ITGA6: variants seen among roughly 807,000 people sequenced by gnomAD.
ITGA6 encodes the protein integrin alpha-6.
ITGA6 carries 63 observed loss-of-function variants against 133.6 expected under a neutral mutation model. That is an observed-to-expected ratio of 0.47 (90% CI 0.38 to 0.58). The LOEUF is 0.58. Among genes scored for constraint, ITGA6 ranks in the 20% least tolerant of loss-of-function variants. The pLI is 0.00. For missense variants in ITGA6, 1,068 were observed against 1,309.4 expected (o/e 0.82, Z 2.85); for synonymous variants, 434 against 482.0 (o/e 0.90, Z 1.30).
Position 172,487,017 on chromosome 2 carries a change from C to T in ITGA6, c.1855-6C>T, listed in dbSNP as rs1574399519. On this transcript the variant is annotated splice_polypyrimidine_tract_variant and splice_region_variant and intron_variant, in intron 13 of 25. Coordinates refer to ENST00000684293, the MANE Select transcript of ITGA6 (RefSeq NM_000210.4). ...TAAATTGACAATAGTTTTCGTTTTC[C>T]TACAGGTTCACTTCTTAAAAGAGGG... 9 of 1,542,820 alleles carry T rather than the reference C, an allele frequency of 5.8e-6. No individual in the cohort carries two copies. Among genetic ancestry groups the T allele is most frequent in the Non-Finnish European group, 8.1e-6 (9 of 1,115,216 alleles).
intron 1 of ITGA6, among the ~76,000 whole-genome samples, chr2:172,456,719 G>A (rs1323883484): frequency 6.6e-6 from 1 of 152,218 alleles, no homozygotes; most frequent in Non-Finnish European, 1.5e-5. Flanking sequence ...ATATGTCTGT[G>A]CCCATAGCAT....
rs568151651 is a variant in ITGA6 at position 172,446,419 on chromosome 2, G to C, written c.182+18449G>C. On this transcript the variant is annotated intron_variant, in intron 1 of 25. Coordinates refer to ENST00000684293, the MANE Select transcript of ITGA6 (RefSeq NM_000210.4). Reference sequence around the variant, plus strand: ...ATTTATGCTTGGTACACTTGAAATAGAAAAACCTGCTTGGTCACAACATGC... The same window carrying C: ...ATTTATGCTTGGTACACTTGAAATACAAAAACCTGCTTGGTCACAACATGC... 1.1e-4 allele frequency among the ~76,000 whole-genome samples: 16 copies of C among 152,264 alleles called. No homozygotes were observed. The East Asian group carries it at 2.7e-3, about 26-fold the overall frequency.
chr2:172,480,540 CAGGCCCCT>C (rs1290697948), intron 11 of ITGA6, among the ~76,000 whole-genome samples: 4 of 152,128 alleles, frequency 2.6e-5, no homozygotes, highest in African/African-American at 9.7e-5. Context: ...TTCCCAAGAG[CAGGCCCCT>C]AGGGAATTTG....
intron 1 of ITGA6, among the ~76,000 whole-genome samples, chr2:172,457,039 A>G (rs1298780168): frequency 6.6e-6 from 1 of 152,188 alleles, no homozygotes; most frequent in Non-Finnish European, 1.5e-5. Flanking sequence ...CACACCTATA[A>G]TCCTAACACT....
chr2:172,487,546 G>A lies in ITGA6; in HGVS notation c.2161-1G>A, dbSNP rs148112672. On this transcript the variant is annotated splice_acceptor_variant, in intron 15 of 25. Transcript: ENST00000684293. LOFTEE classifies it high-confidence loss of function. ...TGACCTAGCGTGTGTTTCTTTTACA[G>A]GAGAAACAGTTGAGTTGTGTTGCCA... The A allele has an allele frequency of 1.2e-6, 2 of 1,613,508 alleles. No individual in the cohort carries two copies. Among genetic ancestry groups the A allele is most frequent in the Non-Finnish European group, 1.7e-6 (2 of 1,179,516 alleles).
At position 172,491,047 on chromosome 2, in the gene ITGA6, A is replaced by C; in HGVS notation, c.2703A>C (p.Lys901Asn). The C allele has an allele frequency of 1.3e-6, 2 of 1,582,726 alleles. No homozygotes were observed. Among genetic ancestry groups the C allele is most frequent in the Non-Finnish European group, 1.7e-6 (2 of 1,152,104 alleles). The part of the protein sequence containing the change: ...NLTESHNSRK[K>N]REITEKQIDD... ...AGGAGTCTCACAACTCAAGAAAGAA[A>C]CGGGAAATTACTGAAAAACAGATAG... The change falls in exon 21 of 26, where the codon AAA becomes AAC. Residue 901 changes from lysine (K) to asparagine (N), a missense_variant. Coordinates refer to ENST00000684293, the MANE Select transcript of ITGA6 (RefSeq NM_000210.4). The surrounding 1 kb of genome is among the most constrained non-coding windows in gnomAD (Gnocchi z 4.4).
intron 13 of ITGA6, 48 bp from the exon 14 acceptor site, chr2:172,486,975 C>T (rs1559148761): frequency 2.0e-6 from 2 of 1,025,202 alleles, no homozygotes; most frequent in African/African-American, 3.2e-5. Context: ...CGATGCCTTC[C>T]TGAGTCCTGA....
intron 1 of ITGA6, among the ~76,000 whole-genome samples, chr2:172,454,131 T>A (rs1048048249): frequency 6.6e-6 from 1 of 150,478 alleles, no homozygotes; most frequent in Non-Finnish European, 1.5e-5. Context: ...TTGCCCAGGC[T>A]GGAGTGCGGT....
rs199938487 is a variant in ITGA6 at position 172,471,151 on chromosome 2, C to T, written c.775+46C>T. ...CTGCCTTTGCCCACCTTCTCAGATA[C>T]CTTGTGTGAAACTCCCTCGCAGGGC... On this transcript the variant is annotated intron_variant, in intron 5 of 25. Coordinates refer to ENST00000684293, the MANE Select transcript of ITGA6 (RefSeq NM_000210.4). The T allele has an allele frequency of 8.0e-5, 129 of 1,612,030 alleles. No individual in the cohort carries two copies. In the African/African-American group the frequency reaches 1.5e-3, roughly 19 times the overall value.
chr2:172,456,907 A>G (rs1050041067), intron 1 of ITGA6, among the ~76,000 whole-genome samples: 7 of 152,244 alleles, frequency 4.6e-5, no homozygotes, highest in Non-Finnish European at 7.3e-5. Context: ...CATCTGTTCT[A>G]AACACCTTGG....
intron 1 of ITGA6, among the ~76,000 whole-genome samples, chr2:172,444,524 C>T (rs763725168): frequency 2.4e-4 from 37 of 151,846 alleles, no homozygotes; most frequent in Non-Finnish European, 3.7e-4. Context: ...TGGAGCATTT[C>T]GGATTTTGGA....
In ITGA6 at chr2:172,482,201, A is replaced by G. The variant is rs115145596; in HGVS notation, c.1549+2150A>G. The stretch of plus-strand genomic sequence containing the variant: ...TACTTTTATGTTATGTAGCTACTCC[A>G]TTAACCAAGTGTTTATGGATGGCCT... On this transcript the variant is annotated intron_variant, in intron 11 of 25. Coordinates refer to ENST00000684293, the MANE Select transcript of ITGA6 (RefSeq NM_000210.4). 7.4e-3 allele frequency among the ~76,000 whole-genome samples: 1,132 copies of G among 152,324 alleles called. 9 individuals are homozygous for G. Among genetic ancestry groups the G allele is most frequent in the African/African-American group, 0.025 (1,048 of 41,576 alleles).
chr2:172,427,475 G>A (rs1574300841), upstream of ITGA6: 2 of 1,080,432 alleles, frequency 1.9e-6, no homozygotes, highest in East Asian at 6.6e-5. Flanking sequence ...CGGCGGGTAA[G>A]GTGCGGGCGG....
intron 1 of ITGA6, among the ~76,000 whole-genome samples, chr2:172,457,982 C>A (rs1226654593): frequency 2.6e-5 from 4 of 152,012 alleles, no homozygotes; most frequent in Admixed American, 2.6e-4. Flanking sequence ...TCCCCGCCCC[C>A]CAACCAAGAG....
intron 19 of ITGA6, 44 bp downstream of exon 19, chr2:172,488,272 A>G: frequency 1.7e-6 from 2 of 1,169,856 alleles, no homozygotes; most frequent in South Asian, 1.2e-5. Context: ...AAAAGCTGAC[A>G]TATACTAGGT....
At chr2:172,442,264 C>G (rs755473436) in intron 1 of ITGA6, among the ~76,000 whole-genome samples, 5 of 152,156 alleles carry the variant, frequency 3.3e-5, no homozygotes, top group Admixed American at 6.5e-5. Context: ...GAACCCAGCT[C>G]CTCCCGGTAG....
chr2:172,445,513 G>A (rs1684727102), intron 1 of ITGA6, among the ~76,000 whole-genome samples: 2 of 151,588 alleles, frequency 1.3e-5, no homozygotes, highest in South Asian at 2.1e-4. Flanking sequence ...GCCGGGCATG[G>A]TGGTGGGCGC....
Position 172,485,190 on chromosome 2 carries a change from C to T in ITGA6, c.1780C>T (p.Arg594Cys), listed in dbSNP as rs1018261307. 8 of 1,613,590 alleles carry T rather than the reference C, an allele frequency of 5.0e-6. No homozygotes were observed. The highest frequency in any genetic ancestry group is 1.7e-5 in the Admixed American group (1 of 60,026). The part of the protein sequence containing the change: ...ASVEIQEPSS[R>C]RRVNSLPEVL... The stretch of plus-strand genomic sequence containing the variant: ...AGTGGAGATCCAAGAGCCAAGCTCT[C>T]GTAGGCGAGTGAATTCACTTCCAGA... The change falls in exon 13 of 26, where the codon CGT (arginine) becomes TGT (cysteine). Residue 594 changes from arginine (R) to cysteine (C), a missense_variant. This residue lies in a region of ITGA6 where 609 missense variants were observed against 707.2 expected (regional missense o/e 0.86). Transcript: ENST00000684293.
upstream of ITGA6, chr2:172,427,511 A>T: frequency 1.9e-6 from 1 of 518,016 alleles, no homozygotes; most frequent in Non-Finnish European, 2.4e-6. Context: ...GCGCGCAAGG[A>T]GGGGCGAGAG....
Sources: gnomAD v4.1 joint callset for allele counts (sites outside exome capture counted in the v4.1 genomes callset) on GRCh38, gnomAD v4.1.1 for gene constraint, gnomAD v4.1.1 regional missense constraint, Gnocchi (gnomAD v3.1) non-coding constraint, MANE v1.5 for transcripts, NCBI Gene and HGNC (gene_info 2026-07-23, HGNC 2026-07-21) for gene names.